The following LRFN3 variants were observed in gnomAD, a reference collection of about 807,000 sequenced individuals.
LRFN3 encodes leucine rich repeat and fibronectin type III domain containing 3, also known as leucine-rich repeat and fibronectin type-III domain-containing protein 3.
A neutral mutation model predicts 23.8 loss-of-function variants in LRFN3; 8 were observed. The ratio of observed to expected loss-of-function variants is 0.34; its 90% confidence interval spans 0.20 to 0.61. The LOEUF (loss-of-function observed/expected upper bound fraction) is 0.61, where lower values mean the gene tolerates loss of function less well. Among genes scored for constraint, LRFN3 ranks in the 20% least tolerant of loss-of-function variants. The probability of loss-of-function intolerance (pLI) is 0.80; values close to 1 mark genes in which losing one functional copy is unlikely to be tolerated. For synonymous variants in LRFN3, 451 were observed against 450.6 expected (o/e 1.00, Z -0.01); for missense variants, 736 against 935.3 (o/e 0.79, Z 2.78).
In LRFN3 at chr19:35,944,820, A is replaced by T. The variant is rs1395003072; in HGVS notation, c.1688A>T (p.Lys563Met). Residue 563 changes from lysine (K) to methionine (M), a missense_variant, in exon 3 of 3, where the codon AAG becomes ATG. Physicochemically the swap from Lys to Met is moderately conservative, Grantham distance 95. Transcript: ENST00000246529. This position sits in a 1 kb window ranked among gnomAD's most constrained non-coding sequence, Gnocchi z 4.5. ...VFIFVLLMRY[K>M]VHGGQPPGKA... The stretch of plus-strand genomic sequence containing the variant: ...ATCTTCGTGCTGCTAATGCGCTACA[A>T]GGTGCACGGCGGCCAGCCCCCCGGC... 3 of 1,609,194 alleles carry T rather than the reference A, an allele frequency of 1.9e-6. No homozygotes were observed. In the South Asian group the frequency reaches 3.3e-5, roughly 18 times the overall value.
Position 35,944,897 on chromosome 19 carries a change from G to C in LRFN3, c.1765G>C (p.Ala589Pro). 1 of 1,590,232 alleles carries C rather than the reference G, an allele frequency of 6.3e-7. No individual in the cohort carries two copies. Among genetic ancestry groups the C allele is most frequent in the African/African-American group, 1.3e-5 (1 of 74,492 alleles). The change falls in exon 3 of 3, where the codon GCC (alanine) becomes CCC (proline). Residue 589 changes from alanine (A) to proline (P), a missense_variant. Ala to Pro is a conservative substitution (Grantham distance 27). This residue lies in a region of LRFN3 where 290 missense variants were observed against 287.4 expected (regional missense o/e 1.01). Coordinates refer to ENST00000246529, the MANE Select transcript of LRFN3 (RefSeq NM_024509.2). The surrounding 1 kb of genome is among the most constrained non-coding windows in gnomAD (Gnocchi z 4.5). ...CAGCGTTTGCTCCCAGACCAACGGC[G>C]CCCTGGGCCCCACGCCCACGCCCGC... ...VSSVCSQTNG[A>P]LGPTPTPAPP...
In LRFN3 at chr19:35,939,361, C is replaced by G. The variant is rs981509814; in HGVS notation, c.-16-49C>G. On this transcript the variant is annotated intron_variant, in intron 1 of 2. Transcript: ENST00000246529. The surrounding 1 kb of genome is among the most constrained non-coding windows in gnomAD (Gnocchi z 6.4). ...TCTCCTGGTCTCAGACCACCCCCAG[C>G]CCCTGCAGAACCCCTCTTCTGCCCT... 5 of 1,516,828 alleles carry G rather than the reference C, an allele frequency of 3.3e-6. No homozygotes were observed. In the African/African-American group the frequency reaches 6.8e-5, roughly 21 times the overall value. 94.0% of individuals were successfully genotyped at this position (1,516,828 alleles called of 1,614,324 possible). A position where few individuals can be genotyped will look rare whatever the true frequency, so the allele number is the denominator to read the frequency against.
intron 2 of LRFN3, among the ~76,000 whole-genome samples, chr19:35,942,127 C>T (rs1351174603): frequency 6.6e-6 from 1 of 152,156 alleles, no homozygotes; most frequent in Non-Finnish European, 1.5e-5. Flanking sequence ...CGTGATCCAC[C>T]CGCCTCGGCC....
intron 2 of LRFN3, among the ~76,000 whole-genome samples, chr19:35,943,862 G>T (rs924690200): frequency 6.6e-6 from 1 of 152,074 alleles, no homozygotes; most frequent in Non-Finnish European, 1.5e-5. Context: ...TGAGTGGGCA[G>T]TGCAAAAGGG....
Position 35,937,144 on chromosome 19 carries a change from G to C in LRFN3, c.-428G>C, listed in dbSNP as rs1412760289. The C allele has an allele frequency of 6.6e-6, 1 of 152,130 alleles. No individual in the cohort carries two copies. The highest frequency in any genetic ancestry group is 1.5e-5 in the Non-Finnish European group (1 of 68,040). The allele number at this position is 152,130 out of a possible 1,614,324, so 9.4% of individuals were successfully genotyped here. ...TCCAAGGGGCCTGAACCCGAGTTTG[G>C]GCCTGAAGTCCTTGCTGCAGACCTG... On this transcript the variant is annotated 5_prime_UTR_variant, in exon 1 of 3. Coordinates refer to ENST00000246529, the MANE Select transcript of LRFN3 (RefSeq NM_024509.2).
chr19:35,944,603 A>G lies in LRFN3; in HGVS notation c.1471A>G (p.Thr491Ala), dbSNP rs1976154902. Residue 491 changes from threonine to alanine, a missense_variant, in exon 3 of 3, where the codon ACC (threonine) becomes GCC (alanine). Coordinates refer to ENST00000246529, the MANE Select transcript of LRFN3 (RefSeq NM_024509.2). The surrounding 1 kb of genome is among the most constrained non-coding windows in gnomAD (Gnocchi z 4.5). The part of the protein sequence containing the change: ...FLLTDLASGR[T>A]YDLCVLAVYE... ...GCTGACGGACCTGGCGTCAGGCCGG[A>G]CCTACGATCTGTGCGTGCTCGCCGT... The G allele has an allele frequency of 1.3e-6, 2 of 1,505,600 alleles. No homozygotes were observed. Among genetic ancestry groups the G allele is most frequent in the African/African-American group, 1.4e-5 (1 of 70,424 alleles). 93.3% of individuals were successfully genotyped at this position (1,505,600 alleles called of 1,614,324 possible). A position where few individuals can be genotyped will look rare whatever the true frequency, so the allele number is the denominator to read the frequency against.
chr19:35,941,726 G>A (rs1215619165), intron 2 of LRFN3, among the ~76,000 whole-genome samples: 7 of 152,004 alleles, frequency 4.6e-5, no homozygotes, highest in African/African-American at 1.4e-4. Flanking sequence ...GCACCAGCAC[G>A]CCCAGCTAAT....
Position 35,939,173 on chromosome 19 carries a change from C to T in LRFN3, c.-16-237C>T, listed in dbSNP as rs146646993. 6.6e-6 allele frequency among the ~76,000 whole-genome samples: 1 copy of T among 152,284 alleles called. No homozygotes were observed. Among genetic ancestry groups the T allele is most frequent in the African/African-American group, 2.4e-5 (1 of 41,548 alleles). On this transcript the variant is annotated intron_variant, in intron 1 of 2. Transcript: ENST00000246529. This position sits in a 1 kb window ranked among gnomAD's most constrained non-coding sequence, Gnocchi z 6.4. ...TAGATACACGGTCTCACTTTGTTGC[C>T]CAGGCTGGTCTTGAACTCCTGGCCT...
At position 35,944,721 on chromosome 19, in the gene LRFN3, C is replaced by T. The variant is rs1200020852; in HGVS notation, c.1589C>T (p.Pro530Leu). The T allele has an allele frequency of 6.2e-7, 1 of 1,605,374 alleles. No individual in the cohort carries two copies. The highest frequency in any genetic ancestry group is 8.5e-7 in the Non-Finnish European group (1 of 1,176,586). Reference sequence around the variant, plus strand: ...CCTGCGCTGCGGCCATGCGGGGCGCCGCACGCTCCCTTCCTGGGCGGCACG... The same window carrying T: ...CCTGCGCTGCGGCCATGCGGGGCGCTGCACGCTCCCTTCCTGGGCGGCACG... Reference protein sequence around the residue: ...TEPALRPCGAPHAPFLGGTMI... With the variant: ...TEPALRPCGALHAPFLGGTMI... Residue 530 changes from proline to leucine, a missense_variant, in exon 3 of 3, where the codon CCG becomes CTG. By Grantham distance (98) the Pro-to-Leu change is moderately conservative (BLOSUM62 -3). Transcript: ENST00000246529. The surrounding 1 kb of genome is among the most constrained non-coding windows in gnomAD (Gnocchi z 4.5).
Position 35,939,606 on chromosome 19 carries a change from G to T in LRFN3, c.181G>T (p.Ala61Ser). ...LFVPPSLDRR[A>S]AELRLADNFI... ...CGTGCCACCCTCGCTGGACCGCCGG[G>T]CAGCCGAGCTGCGGCTGGCAGACAA... Residue 61 changes from alanine (A) to serine (S), a missense_variant, in exon 2 of 3, where the codon GCA becomes TCA. Around this residue, in one of 2 missense-constraint regions of LRFN3, gnomAD observed 446 missense variants for 647.9 expected, o/e 0.69. Coordinates refer to ENST00000246529, the MANE Select transcript of LRFN3 (RefSeq NM_024509.2). The surrounding 1 kb of genome is among the most constrained non-coding windows in gnomAD (Gnocchi z 6.4). 1.2e-6 allele frequency: 2 copies of T among 1,608,916 alleles called. No homozygotes were observed. Among genetic ancestry groups the T allele is most frequent in the Non-Finnish European group, 8.5e-7 (1 of 1,179,430 alleles).
rs750877490 is a variant in LRFN3, at chr19:35,944,894, G to A, written c.1762G>A (p.Gly588Ser). The stretch of plus-strand genomic sequence containing the variant: ...TAGCAGCGTTTGCTCCCAGACCAAC[G>A]GCGCCCTGGGCCCCACGCCCACGCC... ...PVSSVCSQTNGALGPTPTPAP... is the reference protein window; with the variant it reads ...PVSSVCSQTNSALGPTPTPAP... The change falls in exon 3 of 3, where the codon GGC (glycine) becomes AGC (serine). Residue 588 changes from glycine (G) to serine (S), a missense_variant. Coordinates refer to ENST00000246529, the MANE Select transcript of LRFN3 (RefSeq NM_024509.2). The surrounding 1 kb of genome is among the most constrained non-coding windows in gnomAD (Gnocchi z 4.5). The A allele has an allele frequency of 2.5e-6, 4 of 1,591,462 alleles. No individual in the cohort carries two copies. The highest frequency in any genetic ancestry group is 3.4e-5 in the Admixed American group (2 of 59,484).
chr19:35,937,766 G>A (rs1308690275), intron 1 of LRFN3, among the ~76,000 whole-genome samples: 1 of 152,142 alleles, frequency 6.6e-6, no homozygotes, highest in Non-Finnish European at 1.5e-5. Context: ...CTCAGTTGAT[G>A]GGACCTCCAG....
rs1976055591 is a variant in LRFN3, at chr19:35,936,426, G to C, written c.-1146G>C. 6.6e-6 allele frequency among the ~76,000 whole-genome samples: 1 copy of C among 151,042 alleles called. No individual in the cohort carries two copies. The highest frequency in any genetic ancestry group is 1.9e-4 in the East Asian group (1 of 5,162). On this transcript the variant is annotated 5_prime_UTR_variant, in exon 1 of 3. Coordinates refer to ENST00000246529, the MANE Select transcript of LRFN3 (RefSeq NM_024509.2). ...TTGCCGGCGAGGAGGCCGCGGGAGC[G>C]CCTGGACCCGGCCCGCCCAGCCCGG...
At chr19:35,942,333 G>T (rs1179397095) in intron 2 of LRFN3, among the ~76,000 whole-genome samples, 2 of 152,200 alleles carry the variant, frequency 1.3e-5, no homozygotes, top group Non-Finnish European at 2.9e-5. Flanking sequence ...CCAAGAGGTG[G>T]CTCAGTCCAA....
At position 35,939,283 on chromosome 19, in the gene LRFN3, C is replaced by A; in HGVS notation, c.-16-127C>A. On this transcript the variant is annotated intron_variant, in intron 1 of 2. Transcript: ENST00000246529. The surrounding 1 kb of genome is among the most constrained non-coding windows in gnomAD (Gnocchi z 6.4). ...GCCTGGCCTTCCTCTGGCTTTTGGT[C>A]ACATCTGACGGTCTTTGACCAGCCC... The A allele has an allele frequency of 9.8e-7, 1 of 1,016,828 alleles. No individual in the cohort carries two copies. Among genetic ancestry groups the A allele is most frequent in the Non-Finnish European group, 1.4e-6 (1 of 714,138 alleles). The allele number at this position is 1,016,828 out of a possible 1,614,324, so 63.0% of individuals were successfully genotyped here.
At position 35,940,070 on chromosome 19, in the gene LRFN3, C is replaced by T. The variant is rs1976099547; in HGVS notation, c.645C>T (p.Arg215=). Residue 215 remains arginine (R), a synonymous_variant, in exon 2 of 3, where the codon CGC becomes CGT. Transcript: ENST00000246529. ...CCCGGCTGGACATGACCTCCAACCG[C>T]CTGACCACAATCCCACCCGACCCAC... ...KLARLDMTSN[R]LTTIPPDPLF... 6.2e-7 allele frequency: 1 copy of T among 1,612,278 alleles called. No homozygotes were observed. The highest frequency in any genetic ancestry group is 1.7e-5 in the Admixed American group (1 of 59,996).
rs1045761820 is a variant in LRFN3, at chr19:35,939,078, G to C, written c.-16-332G>C. Among the ~76,000 whole-genome samples, 5 of 152,104 alleles carry C rather than the reference G, an allele frequency of 3.3e-5. No homozygotes were observed. The highest frequency in any genetic ancestry group is 1.2e-4 in the African/African-American group (5 of 41,406). ...GGCTCAAATTGATCCTCCCACCTCA[G>C]TGTCCCATGTAGCTAGGACCACAGG... On this transcript the variant is annotated intron_variant, in intron 1 of 2. Coordinates refer to ENST00000246529, the MANE Select transcript of LRFN3 (RefSeq NM_024509.2). This position sits in a 1 kb window ranked among gnomAD's most constrained non-coding sequence, Gnocchi z 6.4.
In LRFN3 at chr19:35,946,394, A is replaced by C. The variant is rs1976178864; in HGVS notation, c.*1375A>C. 6.6e-6 allele frequency among the ~76,000 whole-genome samples: 1 copy of C among 151,638 alleles called. No individual in the cohort carries two copies. The highest frequency in any genetic ancestry group is 2.4e-5 in the African/African-American group (1 of 41,216). ...CACTATATTGCCCAGGCTGATCCCA[A>C]ACTGGCCTCAAGTGATCCTCCCGTC... On this transcript the variant is annotated 3_prime_UTR_variant, in exon 3 of 3. Coordinates refer to ENST00000246529, the MANE Select transcript of LRFN3 (RefSeq NM_024509.2).
Position 35,945,086 on chromosome 19 carries a change from C to A in LRFN3, c.*67C>A. 1 of 1,000,642 alleles carries A rather than the reference C, an allele frequency of 1.0e-6. No individual in the cohort carries two copies. Among genetic ancestry groups the A allele is most frequent in the Non-Finnish European group, 1.4e-6 (1 of 738,730 alleles). The allele number at this position is 1,000,642 out of a possible 1,614,324, so 62.0% of individuals were successfully genotyped here. ...AGCAGGACCCGGACACCCTGTGGGA[C>A]CTGGCCTCAAACTCACCAAATCGCT... On this transcript the variant is annotated 3_prime_UTR_variant, in exon 3 of 3. Coordinates refer to ENST00000246529, the MANE Select transcript of LRFN3 (RefSeq NM_024509.2).
Sources: gnomAD v4.1 joint callset for allele counts (sites outside exome capture counted in the v4.1 genomes callset) on GRCh38, gnomAD v4.1.1 for gene constraint, gnomAD v4.1.1 regional missense constraint, Gnocchi (gnomAD v3.1) non-coding constraint, MANE v1.5 for transcripts, NCBI Gene and HGNC (gene_info 2026-07-23, HGNC 2026-07-21) for gene names.